PWWP2A: variants seen among roughly 807,000 people sequenced by gnomAD.
PWWP2A encodes PWWP domain-containing protein 2A.
PWWP2A carries 18 observed loss-of-function variants against 48.5 expected under a neutral mutation model. The observed-to-expected ratio is 0.37, with a 90% CI of 0.26 to 0.55. The LOEUF (loss-of-function observed/expected upper bound fraction) is 0.55. Among genes scored for constraint, PWWP2A ranks in the 20% least tolerant of loss-of-function variants. The pLI is 0.81. For missense variants in PWWP2A, 867 were observed against 976.4 expected (o/e 0.89, Z 1.49); for synonymous variants, 396 against 387.7 (o/e 1.02, Z -0.25).
the PWWP2A span, among the ~76,000 whole-genome samples, chr5:160,045,518 A>ACTCTCT: frequency 3.0e-5 from 2 of 65,724 alleles, no homozygotes; most frequent in African/African-American, 7.7e-5. Context: ...ACACACATAC[A>ACTCTCT]CACTCTCTCT....
chr5:160,071,094 T>C (rs1185247521), downstream of PWWP2A, among the ~76,000 whole-genome samples: 5 of 151,904 alleles, frequency 3.3e-5, no homozygotes, highest in Non-Finnish European at 7.4e-5. Context: ...GAGGCTGAGG[T>C]GGGAGGATCA....
At position 160,091,502 on chromosome 5, in the gene PWWP2A, GCAA is replaced by G; in HGVS notation, c.*877_*879del. The stretch of plus-strand genomic sequence containing the variant: ...TTATCAAATTAGGTACATCCAAAAT[GCAA>G]CAATTACACATATGACAATTAATTC... On this transcript the variant is annotated 3_prime_UTR_variant, in exon 2 of 2. Transcript: ENST00000307063. The G allele has an allele frequency of 1.0e-6, 1 of 980,132 alleles. No homozygotes were observed. The allele number at this position is 980,132 out of a possible 1,614,324, so 60.7% of individuals were successfully genotyped here.
At position 160,078,069 on chromosome 5, in the gene PWWP2A, G is replaced by C. The variant is rs1431000707; in HGVS notation, c.*86C>G. On this transcript the variant is annotated 3_prime_UTR_variant, in exon 4 of 4. Transcript: ENST00000456329. This position sits in a 1 kb window ranked among gnomAD's most constrained non-coding sequence, Gnocchi z 4.2. ...GCCTTAACATTTACTTCTTAGTGCA[G>C]CTTTAAAAACTCCAATTTCATTCAG... 1 of 1,190,492 alleles carries C rather than the reference G, an allele frequency of 8.4e-7. No individual in the cohort carries two copies. The highest frequency in any genetic ancestry group is 1.5e-5 in the African/African-American group (1 of 65,670). 73.7% of individuals were successfully genotyped at this position (1,190,492 alleles called of 1,614,324 possible).
downstream of PWWP2A, among the ~76,000 whole-genome samples, chr5:160,073,993 G>C (rs1345206808): frequency 1.3e-5 from 2 of 151,260 alleles, no homozygotes; most frequent in African/African-American, 4.9e-5. Context: ...TGAACCCAGG[G>C]GGCAGAGGTT....
the PWWP2A span, among the ~76,000 whole-genome samples, chr5:160,048,695 C>A: frequency 6.6e-6 from 1 of 152,216 alleles, no homozygotes; most frequent in African/African-American, 2.4e-5. Context: ...GAATGATAGT[C>A]TGCCACCAGA....
At chr5:160,117,428 G>A (rs1052043151) in intron 1 of PWWP2A, among the ~76,000 whole-genome samples, 8 of 152,260 alleles carry the variant, frequency 5.3e-5, no homozygotes, top group Non-Finnish European at 1.2e-4. Context: ...GCTGAGGCGG[G>A]TGGATAACCT....
intron 1 of PWWP2A, among the ~76,000 whole-genome samples, chr5:160,097,336 C>CAAAAAAA (rs70987999): frequency 2.9e-5 from 1 of 34,392 alleles, no homozygotes; most frequent in Non-Finnish European, 5.0e-5. Context: ...GCCTTTGTCT[C>CAAAAAAA]AAAAAAAAAA....
intron 1 of PWWP2A, among the ~76,000 whole-genome samples, chr5:160,106,750 C>G (rs541166208): frequency 3.3e-5 from 5 of 151,638 alleles, no homozygotes; most frequent in Non-Finnish European, 5.9e-5. Flanking sequence ...ATCAGCCACC[C>G]GAGTTGCCCA....
chr5:160,098,164 C>T (rs548458622), intron 1 of PWWP2A, among the ~76,000 whole-genome samples: 3 of 152,224 alleles, frequency 2.0e-5, no homozygotes, highest in African/African-American at 7.2e-5. Flanking sequence ...GTTAATATTT[C>T]GCAACTGGAT....
downstream of PWWP2A, chr5:160,089,529 T>C (rs1754901817): frequency 7.8e-7 from 1 of 1,283,636 alleles, no homozygotes; most frequent in African/African-American, 1.5e-5. Context: ...GATAATTGTT[T>C]GGTCTTTGGT....
intron 1 of PWWP2A, among the ~76,000 whole-genome samples, chr5:160,097,314 G>A (rs1039829017): frequency 8.1e-6 from 1 of 124,140 alleles, no homozygotes; most frequent in Admixed American, 9.9e-5. Context: ...TCCAGCCTGA[G>A]CAAGTGAGTA....
chr5:160,105,727 A>T, intron 1 of PWWP2A: 1 of 765,962 alleles, frequency 1.3e-6, no homozygotes, highest in East Asian at 1.3e-4. Flanking sequence ...GTGAGCCAAG[A>T]TCGCACCACT....
chr5:160,094,488 AC>A (rs1755408497), intron 1 of PWWP2A, among the ~76,000 whole-genome samples: 1 of 152,224 alleles, frequency 6.6e-6, no homozygotes, highest in Non-Finnish European at 1.5e-5. Flanking sequence ...CAAAACCTCC[AC>A]AAAGCAAATT....
downstream of PWWP2A, among the ~76,000 whole-genome samples, chr5:160,073,603 T>C (rs371022251): frequency 5.3e-5 from 8 of 152,038 alleles, no homozygotes; most frequent in Admixed American, 2.6e-4. Context: ...CACAAGGAAA[T>C]AATGAAAGGG....
chr5:160,062,750 A>G (rs899405520), intron 5 of PWWP2A, among the ~76,000 whole-genome samples: 3 of 151,882 alleles, frequency 2.0e-5, no homozygotes, highest in African/African-American at 7.3e-5. Flanking sequence ...CACTCACTCC[A>G]TATCACAAGA....
intron 1 of PWWP2A, among the ~76,000 whole-genome samples, chr5:160,095,752 T>G (rs1209633597): frequency 3.5e-5 from 5 of 144,158 alleles, no homozygotes; most frequent in Non-Finnish European, 7.5e-5. Flanking sequence ...GCAGTGCAAG[T>G]GGTACCATCA....
intron 4 of PWWP2A, among the ~76,000 whole-genome samples, chr5:160,066,296 A>ATTTTTTTTTTTTTTTTTTTTTTTTTTTTT (rs59262456): frequency 3.2e-5 from 3 of 94,784 alleles, no homozygotes; most frequent in African/African-American, 1.2e-4. Context: ...AGTGGTTCTC[A>ATTTTTTTTTTTTTTTTTTTTTTTTTTTTT]TTTTTTTTTT....
chr5:160,110,576 C>A (rs1311052196), intron 1 of PWWP2A, among the ~76,000 whole-genome samples: 1 of 151,806 alleles, frequency 6.6e-6, no homozygotes, highest in Non-Finnish European at 1.5e-5. Context: ...TGTGGTGGTG[C>A]ATGCCTGTAA....
chr5:160,102,518 C>G (rs112434249), intron 1 of PWWP2A, among the ~76,000 whole-genome samples: 2 of 151,228 alleles, frequency 1.3e-5, no homozygotes, highest in Non-Finnish European at 2.9e-5. Context: ...CTGGGCAACA[C>G]AGTGAGACCT....
Sources: gnomAD v4.1 joint callset for allele counts (sites outside exome capture counted in the v4.1 genomes callset) on GRCh38, gnomAD v4.1.1 for gene constraint, Gnocchi (gnomAD v3.1) non-coding constraint, MANE v1.5 for transcripts, NCBI Gene and HGNC (gene_info 2026-07-23, HGNC 2026-07-21) for gene names.